Variants in YPEL2 observed in about 807,000 individuals in gnomAD.
The protein encoded by YPEL2 is protein yippee-like 2.
YPEL2 carries 2 observed loss-of-function variants against 19.1 expected under a neutral mutation model. The ratio of observed to expected loss-of-function variants is 0.10; its 90% confidence interval spans 0.04 to 0.33. The LOEUF (loss-of-function observed/expected upper bound fraction) is 0.33. YPEL2 is among the 10% of genes least tolerant of loss of function. The pLI is 1.00. For synonymous variants in YPEL2, 52 were observed against 50.0 expected (o/e 1.04, Z -0.17); for missense variants, 66 against 140.7 (o/e 0.47, Z 2.68).
At position 59,353,785 on chromosome 17, in the gene YPEL2, G is replaced by A; in HGVS notation, c.117+259G>A. ...GCTGGCAGCTTGCAAGCCAGAGAAG[G>A]GAGGGGCTGGGGATTGATGGGAGCC... On this transcript the variant is annotated intron_variant, in intron 2 of 4. Coordinates refer to ENST00000312655, the MANE Select transcript of YPEL2 (RefSeq NM_001005404.4). This position sits in a 1 kb window ranked among gnomAD's most constrained non-coding sequence, Gnocchi z 4.8. The A allele has an allele frequency of 2.2e-6, 1 of 445,816 alleles. No homozygotes were observed. The highest frequency in any genetic ancestry group is 2.0e-5 in the South Asian group (1 of 50,578). 27.6% of individuals were successfully genotyped at this position (445,816 alleles called of 1,614,324 possible). A position where few individuals can be genotyped will look rare whatever the true frequency, so the allele number is the denominator to read the frequency against.
intron 1 of YPEL2, 70 bp downstream of exon 1, chr17:59,331,894 G>C (rs1343212297): frequency 1.3e-5 from 2 of 151,468 alleles, no homozygotes; most frequent in African/African-American, 2.4e-5. Context: ...CTCGGGCTCT[G>C]GGTCCCCGGC....
intron 2 of YPEL2, among the ~76,000 whole-genome samples, chr17:59,373,146 C>T (rs890542995): frequency 6.6e-6 from 1 of 152,228 alleles, no homozygotes; most frequent in Admixed American, 6.5e-5. Context: ...GGATTACAGG[C>T]GTGAGCTGCT....
At chr17:59,362,941 T>G (rs1235705038) in intron 2 of YPEL2, 1 of 152,138 alleles carries the variant, frequency 6.6e-6, no homozygotes, top group Non-Finnish European at 1.5e-5. Context: ...AAACAACATT[T>G]AAACCTAGAT....
intron 1 of YPEL2, among the ~76,000 whole-genome samples, chr17:59,340,027 G>A (rs766355977): frequency 6.6e-6 from 1 of 151,840 alleles, no homozygotes; most frequent in African/African-American, 2.4e-5. Context: ...ACCAGACATG[G>A]TCTCATGTCT....
At chr17:59,364,820 T>A (rs73325123) in intron 2 of YPEL2, among the ~76,000 whole-genome samples, 60 of 152,200 alleles carry the variant, frequency 3.9e-4, no homozygotes, top group African/African-American at 1.4e-3. Flanking sequence ...TTGTAGAAGA[T>A]GGGGTTTCGC....
chr17:59,353,862 C>G lies in YPEL2; in HGVS notation c.117+336C>G. 2.8e-6 allele frequency: 1 copy of G among 353,292 alleles called. No homozygotes were observed. The allele number at this position is 353,292 out of a possible 1,614,324, so 21.9% of individuals were successfully genotyped here. A position where few individuals can be genotyped will look rare whatever the true frequency, so the allele number is the denominator to read the frequency against. On this transcript the variant is annotated intron_variant, in intron 2 of 4. Transcript: ENST00000312655. This position sits in a 1 kb window ranked among gnomAD's most constrained non-coding sequence, Gnocchi z 4.8. The stretch of plus-strand genomic sequence containing the variant: ...TGGCGGACGAAGAGTGAAGAGTGCT[C>G]CCTGCTCAGAAGGTGAATTCTGATA...
Position 59,388,307 on chromosome 17 carries a change from T to C in YPEL2, c.118-20T>C, listed in dbSNP as rs752376737. On this transcript the variant is annotated intron_variant, in intron 2 of 4. Coordinates refer to ENST00000312655, the MANE Select transcript of YPEL2 (RefSeq NM_001005404.4). ...GGTGAAATGGATGTCTAACTATCGA[T>C]TTGTTTTCTTGCATTTCAGTCATTC... is the stretch of plus-strand genomic sequence containing the variant. The C allele has an allele frequency of 4.0e-5, 64 of 1,614,096 alleles. 1 individual carries two copies. In the South Asian group the frequency reaches 6.8e-4, roughly 17 times the overall value.
At chr17:59,364,778 CTATT>C (rs895269336) in intron 2 of YPEL2, among the ~76,000 whole-genome samples, 15 of 152,040 alleles carry the variant, frequency 9.9e-5, no homozygotes, top group Non-Finnish European at 1.6e-4. Context: ...ACCACATCGG[CTATT>C]TATTTATTTA....
At chr17:59,380,010 A>G (rs1323772434) in intron 2 of YPEL2, among the ~76,000 whole-genome samples, 1 of 151,750 alleles carries the variant, frequency 6.6e-6, no homozygotes, top group Non-Finnish European at 1.5e-5. Context: ...ACAGGCATGC[A>G]TCACCACGCC....
intron 1 of YPEL2, among the ~76,000 whole-genome samples, chr17:59,340,531 T>A (rs1779666358): frequency 6.7e-6 from 1 of 150,330 alleles, no homozygotes; most frequent in Non-Finnish European, 1.5e-5. Context: ...TTCTCCTGCC[T>A]CAGCCTCCCA....
intron 4 of YPEL2, among the ~76,000 whole-genome samples, chr17:59,393,491 TTTA>T (rs944679988): frequency 8.7e-5 from 13 of 150,082 alleles, no homozygotes; most frequent in African/African-American, 3.1e-4. Context: ...TTTATTTTAT[TTTA>T]TTTTTTATTT....
chr17:59,333,431 G>C (rs1042561560), intron 1 of YPEL2, among the ~76,000 whole-genome samples: 1 of 152,216 alleles, frequency 6.6e-6, no homozygotes, highest in African/African-American at 2.4e-5. Context: ...GAAGCTTAGA[G>C]TTAGGGGTGG....
intron 1 of YPEL2, among the ~76,000 whole-genome samples, chr17:59,332,167 TC>T (rs1203636564): frequency 1.3e-5 from 2 of 151,898 alleles, no homozygotes; most frequent in Non-Finnish European, 2.9e-5. Context: ...GGAGCTGGAA[TC>T]GCCGCTTCCT....
intron 2 of YPEL2, among the ~76,000 whole-genome samples, chr17:59,370,280 G>T (rs2147947951): frequency 6.6e-6 from 1 of 152,250 alleles, no homozygotes; most frequent in South Asian, 2.1e-4. Flanking sequence ...AGCCAGGATG[G>T]TCTTGATCTC....
intron 2 of YPEL2, among the ~76,000 whole-genome samples, chr17:59,363,456 C>T (rs544658450): frequency 5.3e-5 from 8 of 151,938 alleles, no homozygotes; most frequent in South Asian, 4.2e-4. Flanking sequence ...TACAGGCATC[C>T]GCCACCAGGC....
chr17:59,376,471 G>A (rs1031292079), intron 2 of YPEL2, among the ~76,000 whole-genome samples: 14 of 152,160 alleles, frequency 9.2e-5, no homozygotes, highest in African/African-American at 3.4e-4. Flanking sequence ...ACCTGCCTTG[G>A]CCTCCCAAAG....
intron 1 of YPEL2, among the ~76,000 whole-genome samples, chr17:59,348,180 T>C (rs944615808): frequency 6.6e-6 from 1 of 152,208 alleles, no homozygotes; most frequent in Non-Finnish European, 1.5e-5. Context: ...CAGAGCCCAC[T>C]TCTTTTCCAG....
chr17:59,372,469 C>T (rs993618998), intron 2 of YPEL2, among the ~76,000 whole-genome samples: 6 of 152,202 alleles, frequency 3.9e-5, no homozygotes, highest in African/African-American at 1.2e-4. Flanking sequence ...GGGCTCAGTT[C>T]ATGGAGCAAC....
intron 2 of YPEL2, among the ~76,000 whole-genome samples, chr17:59,371,207 C>G (rs1338625837): frequency 6.6e-6 from 1 of 152,212 alleles, no homozygotes; most frequent in African/African-American, 2.4e-5. Flanking sequence ...CTTAGCTTTC[C>G]CACCGGCTGC....
Sources: allele counts gnomAD v4.1 joint callset (sites outside exome capture counted in the v4.1 genomes callset), GRCh38; gene constraint gnomAD v4.1.1; non-coding constraint Gnocchi (gnomAD v3.1); transcripts MANE v1.5; gene names NCBI Gene and HGNC (gene_info 2026-07-23, HGNC 2026-07-21).